Variants in SRPK2 observed in about 807,000 individuals in gnomAD.
SRPK2 encodes the protein SFRS protein kinase 2.
A neutral mutation model predicts 90.8 loss-of-function variants in SRPK2; 21 were observed. The ratio of observed to expected loss-of-function variants is 0.23; its 90% CI spans 0.16 to 0.33. The LOEUF (loss-of-function observed/expected upper bound fraction) is 0.33. Among genes scored for constraint, SRPK2 ranks in the 10% least tolerant of loss-of-function variants. The probability of loss-of-function intolerance (pLI) is 1.00; values close to 1 mark genes in which losing one functional copy is unlikely to be tolerated. For missense variants in SRPK2, 620 were observed against 869.0 expected (o/e 0.71, Z 3.60); for synonymous variants, 288 against 311.1 (o/e 0.93, Z 0.78).
At chr7:105,161,431 A>AT (rs1934557183) in intron 6 of SRPK2, among the ~76,000 whole-genome samples, 1 of 152,220 alleles carries the variant, frequency 6.6e-6, no homozygotes, top group South Asian at 2.1e-4. Context: ...TGTGCCATAT[A>AT]TTATTTCACG....
chr7:105,114,760 CTATT>C (rs554188776), downstream of SRPK2, among the ~76,000 whole-genome samples: 274 of 152,278 alleles, frequency 1.8e-3, no homozygotes, highest in African/African-American at 5.5e-3. Context: ...CTTTGAACCT[CTATT>C]TATTTCCTTT....
rs75267105 is a variant in SRPK2 at position 105,205,582 on chromosome 7, T to C, written c.72-1797A>G. Among the ~76,000 whole-genome samples, 645 of 140,026 alleles carry C rather than the reference T, an allele frequency of 4.6e-3. 3 individuals carry two copies. Among genetic ancestry groups the C allele is most frequent in the Non-Finnish European group, 7.1e-3 (465 of 65,398 alleles). 91.9% of individuals were successfully genotyped at this position (140,026 alleles called of 152,430 possible). A position where few individuals can be genotyped will look rare whatever the true frequency, so the allele number is the denominator to read the frequency against. Reference sequence around the variant, plus strand: ...ACACACACACACACCACTTCCAGAATACATTCAAAACTTCCAACAGGCCTT... The same window carrying C: ...ACACACACACACACCACTTCCAGAACACATTCAAAACTTCCAACAGGCCTT... On this transcript the variant is annotated intron_variant, in intron 2 of 15. Transcript: ENST00000393651.
At chr7:105,320,442 AAC>A (rs1333107869) in intron 2 of SRPK2, among the ~76,000 whole-genome samples, 1 of 152,208 alleles carries the variant, frequency 6.6e-6, no homozygotes, top group Non-Finnish European at 1.5e-5. Flanking sequence ...TCAGTTTAAA[AAC>A]ACATCAATAA....
intron 3 of SRPK2, among the ~76,000 whole-genome samples, chr7:105,198,711 G>A (rs1795206114): frequency 1.3e-5 from 2 of 152,100 alleles, no homozygotes; most frequent in African/African-American, 2.4e-5. Flanking sequence ...TTTCTTATGA[G>A]CCTCGTATCA....
rs749821500 is a variant in SRPK2, at chr7:105,273,672, G to A, written c.72-69887C>T. On this transcript the variant is annotated intron_variant, in intron 2 of 15. Transcript: ENST00000393651. ...CCAGAATTAAGTTCACCTCCTCTAC[G>A]TCTCTGTATTTGCATTACCAAATTA... Among the ~76,000 whole-genome samples, 6 of 152,072 alleles carry A rather than the reference G, an allele frequency of 3.9e-5. No individual in the cohort carries two copies. In the South Asian group the frequency reaches 6.2e-4, roughly 16 times the overall value.
At chr7:105,377,933 T>C (rs1820500553) in intron 2 of SRPK2, among the ~76,000 whole-genome samples, 1 of 152,090 alleles carries the variant, frequency 6.6e-6, no homozygotes, top group African/African-American at 2.4e-5. Context: ...CCTCATGCAA[T>C]AGCCTCCCAA....
intron 2 of SRPK2, among the ~76,000 whole-genome samples, chr7:105,336,293 A>C (rs902364417): frequency 6.6e-6 from 1 of 152,214 alleles, no homozygotes; most frequent in African/African-American, 2.4e-5. Context: ...AAAAGTCTGT[A>C]AAGTTACCTC....
intron 9 of SRPK2, among the ~76,000 whole-genome samples, chr7:105,144,965 G>A (rs901426163): frequency 3.3e-5 from 5 of 152,082 alleles, no homozygotes; most frequent in African/African-American, 7.2e-5. Context: ...AATTAGTTGG[G>A]TGCGGTGGCA....
intron 3 of SRPK2, among the ~76,000 whole-genome samples, chr7:105,175,519 T>C (rs960720939): frequency 1.3e-5 from 2 of 151,888 alleles, no homozygotes; most frequent in Non-Finnish European, 2.9e-5. Context: ...ATAATAATAA[T>C]ATGAACTATA....
chr7:105,201,569 G>T (rs1795555934), intron 3 of SRPK2, among the ~76,000 whole-genome samples: 1 of 150,572 alleles, frequency 6.6e-6, no homozygotes, highest in African/African-American at 2.4e-5. Flanking sequence ...CTGCTTGGTA[G>T]AACCTATTTG....
chr7:105,136,114 G>A (rs1584911101), intron 11 of SRPK2, among the ~76,000 whole-genome samples: 1 of 152,294 alleles, frequency 6.6e-6, no homozygotes, highest in Non-Finnish European at 1.5e-5. Context: ...AAGGTTCACT[G>A]AACAGAATCT....
intron 15 of SRPK2, chr7:105,125,636 T>C: frequency 3.0e-6 from 1 of 330,416 alleles, no homozygotes; most frequent in Non-Finnish European, 5.8e-6. Context: ...ATCAGATGGG[T>C]CAGGTTTATT....
chr7:105,244,934 G>GGCCGCCATGAGGAAAGCC, intron 2 of SRPK2: 1 of 1,478,040 alleles, frequency 6.8e-7, no homozygotes, highest in East Asian at 2.3e-5. Context: ...GCAACGTCCT[G>GGCCGCCATGAGGAAAGCC]GCCGCCATGA....
intron 2 of SRPK2, among the ~76,000 whole-genome samples, chr7:105,260,475 C>T (rs1247475686): frequency 6.6e-6 from 1 of 152,182 alleles, no homozygotes; most frequent in African/African-American, 2.4e-5. Flanking sequence ...GACAGTGTGG[C>T]AATTCCTCAA....
At chr7:105,204,792 G>T in intron 2 of SRPK2, 1 of 528,060 alleles carries the variant, frequency 1.9e-6, no homozygotes. Flanking sequence ...TGCACCTGCT[G>T]TCACCCAGCA....
chr7:105,337,652 T>C (rs1244349327), intron 2 of SRPK2, among the ~76,000 whole-genome samples: 1 of 152,040 alleles, frequency 6.6e-6, no homozygotes, highest in African/African-American at 2.4e-5. Context: ...ACCAGACAGC[T>C]TGCTCCCTAA....
chr7:105,312,425 G>C (rs1255902559), intron 2 of SRPK2, among the ~76,000 whole-genome samples: 1 of 79,760 alleles, frequency 1.3e-5, no homozygotes, highest in Non-Finnish European at 2.2e-5. Context: ...AAGCAACAGA[G>C]TGAGACTCCG....
chr7:105,149,929 C>CATT (rs1473120119), intron 7 of SRPK2, among the ~76,000 whole-genome samples: 1 of 151,992 alleles, frequency 6.6e-6, no homozygotes, highest in African/African-American at 2.4e-5. Context: ...TATCACATGC[C>CATT]ATTATTCCAG....
chr7:105,255,005 G>C (rs772760090), intron 2 of SRPK2, among the ~76,000 whole-genome samples: 1 of 151,412 alleles, frequency 6.6e-6, no homozygotes, highest in Non-Finnish European at 1.5e-5. Context: ...GCTTTTTATA[G>C]ATCTTAGACT....
Sources: gnomAD v4.1 joint callset for allele counts (sites outside exome capture counted in the v4.1 genomes callset) on GRCh38, gnomAD v4.1.1 for gene constraint, MANE v1.5 for transcripts, NCBI Gene and HGNC (gene_info 2026-07-23, HGNC 2026-07-21) for gene names.